MAML2: variants seen among roughly 807,000 people sequenced by gnomAD.
The protein encoded by MAML2 is mastermind like transcriptional coactivator 2.
Under a neutral mutation model 96.1 loss-of-function variants are expected in MAML2, and 22 were observed. That is an observed-to-expected ratio of 0.23 (90% CI 0.16 to 0.33). MAML2 has a LOEUF of 0.33. Among genes scored for constraint, MAML2 ranks in the 10% least tolerant of loss-of-function variants. MAML2 has a pLI of 1.00. For missense variants in MAML2, 1,367 were observed against 1,392.4 expected (o/e 0.98, Z 0.29); for synonymous variants, 561 against 521.3 (o/e 1.08, Z -1.04).
intron 2 of MAML2, among the ~76,000 whole-genome samples, chr11:95,995,577 TTTAACTA>T (rs1466583433): frequency 6.6e-6 from 1 of 152,150 alleles, no homozygotes; most frequent in Non-Finnish European, 1.5e-5. Context: ...TTTGATACAC[TTTAACTA>T]TTATTATTTT....
intron 1 of MAML2, among the ~76,000 whole-genome samples, chr11:96,301,178 T>C (rs1863381814): frequency 6.6e-6 from 1 of 152,178 alleles, no homozygotes; most frequent in East Asian, 1.9e-4. Flanking sequence ...AAATTATACA[T>C]ATACACATAC....
At chr11:96,340,953 A>T (rs774288632) in intron 1 of MAML2, among the ~76,000 whole-genome samples, 3 of 152,138 alleles carry the variant, frequency 2.0e-5, no homozygotes, top group Admixed American at 6.5e-5. Context: ...CAAGGAGAAA[A>T]AGGCTTTAAT....
intron 1 of MAML2, among the ~76,000 whole-genome samples, chr11:96,271,642 A>T (rs1388966925): frequency 2.6e-5 from 4 of 152,116 alleles, no homozygotes; most frequent in Non-Finnish European, 5.9e-5. Flanking sequence ...CATGTGAAGA[A>T]AGATGTGTTT....
At chr11:96,152,151 GT>G (rs1254693588) in intron 1 of MAML2, among the ~76,000 whole-genome samples, 1 of 152,194 alleles carries the variant, frequency 6.6e-6, no homozygotes, top group East Asian at 1.9e-4. Flanking sequence ...AAGCCCAGGG[GT>G]TTGAGGCTGC....
intron 2 of MAML2, among the ~76,000 whole-genome samples, chr11:96,018,197 T>C (rs980795973): frequency 2.0e-5 from 3 of 152,196 alleles, no homozygotes; most frequent in Non-Finnish European, 4.4e-5. Context: ...TGGGAAAGAC[T>C]GTGAAACAGT....
chr11:96,030,232 TAA>T (rs61022431), intron 2 of MAML2, among the ~76,000 whole-genome samples: 2 of 136,606 alleles, frequency 1.5e-5, no homozygotes, highest in Admixed American at 7.3e-5. Flanking sequence ...TGAGACTCCA[TAA>T]AAAAAAAAAA....
intron 1 of MAML2, among the ~76,000 whole-genome samples, chr11:96,183,404 C>CCG (rs1184275324): frequency 3.2e-4 from 4 of 12,542 alleles, no homozygotes; most frequent in Admixed American, 6.1e-4. Flanking sequence ...CCCCCCCCCC[C>CCG]CTTTCTTTTG....
At chr11:95,991,838 T>C in intron 2 of MAML2, 115 bp from the exon 3 acceptor site, 1 of 765,974 alleles carries the variant, frequency 1.3e-6, no homozygotes. Context: ...AGATCAAACA[T>C]GGTTAAATGG....
At chr11:96,307,827 C>T (rs956534622) in intron 1 of MAML2, among the ~76,000 whole-genome samples, 7 of 152,048 alleles carry the variant, frequency 4.6e-5, no homozygotes, top group African/African-American at 1.2e-4. Context: ...ATAATCTCTT[C>T]GTGTGTATTA....
At chr11:96,257,216 T>A (rs1862680371) in intron 1 of MAML2, among the ~76,000 whole-genome samples, 1 of 152,212 alleles carries the variant, frequency 6.6e-6, no homozygotes, top group Non-Finnish European at 1.5e-5. Context: ...GCCCATCCAC[T>A]CCATGAAGCA....
intron 2 of MAML2, among the ~76,000 whole-genome samples, chr11:96,033,288 C>T (rs1858648112): frequency 6.6e-6 from 1 of 152,182 alleles, no homozygotes; most frequent in Admixed American, 6.5e-5. Context: ...TCTACTTCCA[C>T]TTTTGCAACA....
chr11:96,003,843 A>G (rs988754447), intron 2 of MAML2, among the ~76,000 whole-genome samples: 12 of 152,118 alleles, frequency 7.9e-5, no homozygotes, highest in Non-Finnish European at 1.6e-4. Flanking sequence ...ACAATTTCTG[A>G]TCATCAGATA....
chr11:96,150,354 T>C lies in MAML2; in HGVS notation c.514-56837A>G, dbSNP rs1334326245. On this transcript the variant is annotated intron_variant, in intron 1 of 4. Transcript: ENST00000524717. ...CCTTGCAAGATAAAGTGAGAGCACA[T>C]AGGAAGGATACCTAACCCAGACTGG... Among the ~76,000 whole-genome samples, 4 of 152,236 alleles carry C rather than the reference T, an allele frequency of 2.6e-5. No individual in the cohort carries two copies. The East Asian group carries it at 7.7e-4, about 29-fold the overall frequency.
intron 1 of MAML2, among the ~76,000 whole-genome samples, chr11:96,312,491 C>A (rs574000100): frequency 6.6e-6 from 1 of 152,216 alleles, no homozygotes; most frequent in East Asian, 1.9e-4. Flanking sequence ...CAGTAGGAAG[C>A]CCCGAGAGCT....
intron 1 of MAML2, among the ~76,000 whole-genome samples, chr11:96,305,589 C>T (rs1863451762): frequency 6.6e-6 from 1 of 152,136 alleles, no homozygotes; most frequent in Admixed American, 6.6e-5. Context: ...TGAAACTGTA[C>T]TATATGAAAA....
intron 1 of MAML2, among the ~76,000 whole-genome samples, chr11:96,234,615 T>A (rs1323507905): frequency 6.6e-6 from 1 of 152,238 alleles, no homozygotes; most frequent in Non-Finnish European, 1.5e-5. Context: ...CCTCTCTTTC[T>A]GTCTGTCTCT....
chr11:96,238,975 G>T (rs1017261543), intron 1 of MAML2, among the ~76,000 whole-genome samples: 1 of 152,210 alleles, frequency 6.6e-6, no homozygotes, highest in African/African-American at 2.4e-5. Context: ...CAAGTAATAA[G>T]CAAGCTGTGA....
intron 2 of MAML2, among the ~76,000 whole-genome samples, chr11:96,079,113 A>G (rs968441734): frequency 1.3e-5 from 2 of 152,226 alleles, no homozygotes; most frequent in Non-Finnish European, 1.5e-5. Flanking sequence ...ACATATTTTC[A>G]GTTGTAACCA....
At chr11:96,297,480 C>T (rs1027909070) in intron 1 of MAML2, among the ~76,000 whole-genome samples, 2 of 152,010 alleles carry the variant, frequency 1.3e-5, no homozygotes, top group African/African-American at 4.8e-5. Context: ...GAGGCTGAGG[C>T]AGGAGAACAG....
Sources: allele counts gnomAD v4.1 joint callset (sites outside exome capture counted in the v4.1 genomes callset), GRCh38; gene constraint gnomAD v4.1.1; transcripts MANE v1.5; gene names NCBI Gene and HGNC (gene_info 2026-07-23, HGNC 2026-07-21).